Variants in SESTD1 observed in about 807,000 individuals in gnomAD.
The protein encoded by SESTD1 is SEC14 domain and spectrin repeat-containing protein 1.
In SESTD1, 43 loss-of-function variants were observed where a neutral mutation model predicts 101.7. That is an observed-to-expected ratio of 0.42 (90% confidence interval 0.33 to 0.55). SESTD1 has a LOEUF of 0.55. Ranked by LOEUF, SESTD1 falls within the 20% of genes least tolerant of loss-of-function variation. The pLI, the probability that SESTD1 is intolerant of heterozygous loss-of-function variation, is 0.07. For synonymous variants in SESTD1, 283 were observed against 286.8 expected (o/e 0.99, Z 0.13); for missense variants, 647 against 815.1 (o/e 0.79, Z 2.51).
At chr2:179,141,645 G>A (rs1282930431) in intron 9 of SESTD1, among the ~76,000 whole-genome samples, 12 of 151,844 alleles carry the variant, frequency 7.9e-5, no homozygotes, top group Admixed American at 1.3e-4. Context: ...TTGTTGTTGC[G>A]GTTACTGTTG....
intron 4 of SESTD1, among the ~76,000 whole-genome samples, chr2:179,173,466 C>A (rs981583260): frequency 6.6e-6 from 1 of 152,156 alleles, no homozygotes; most frequent in Non-Finnish European, 1.5e-5. Context: ...AAATATCTCA[C>A]ATATATAATA....
At chr2:179,242,776 C>A (rs148353126) in intron 1 of SESTD1, among the ~76,000 whole-genome samples, 5 of 152,266 alleles carry the variant, frequency 3.3e-5, no homozygotes, top group African/African-American at 1.2e-4. Flanking sequence ...CGGACAGTAC[C>A]TTTTACCACA....
At chr2:179,255,181 C>T (rs550616640) in intron 1 of SESTD1, among the ~76,000 whole-genome samples, 3 of 152,148 alleles carry the variant, frequency 2.0e-5, no homozygotes, top group African/African-American at 7.2e-5. Context: ...AATCAATAAT[C>T]CTACAATGGC....
intron 1 of SESTD1, among the ~76,000 whole-genome samples, chr2:179,217,693 C>T (rs565501045): frequency 6.6e-4 from 100 of 152,184 alleles, no homozygotes; most frequent in Admixed American, 4.4e-3. Context: ...ATGTTTACTG[C>T]GGCACTATTC....
intron 3 of SESTD1, among the ~76,000 whole-genome samples, chr2:179,178,009 C>T (rs534727229): frequency 3.3e-5 from 5 of 152,230 alleles, no homozygotes; most frequent in Admixed American, 2.6e-4. Flanking sequence ...AATCTAGAGA[C>T]AGAAAGCAGA....
At chr2:179,202,208 G>A (rs116744397) in intron 1 of SESTD1, among the ~76,000 whole-genome samples, 1,592 of 132,706 alleles carry the variant, frequency 0.012, 399 homozygotes, top group African/African-American at 0.045. Context: ...ATTTTGTAAC[G>A]TTTATTTTTA....
intron 3 of SESTD1, among the ~76,000 whole-genome samples, chr2:179,182,391 C>T (rs941156803): frequency 7.9e-5 from 12 of 151,938 alleles, no homozygotes; most frequent in African/African-American, 2.7e-4. Flanking sequence ...AGCAGGCTTC[C>T]CAAGAACAAT....
chr2:179,220,838 T>C (rs561558387), intron 1 of SESTD1, among the ~76,000 whole-genome samples: 1 of 152,206 alleles, frequency 6.6e-6, no homozygotes, highest in Non-Finnish European at 1.5e-5. Flanking sequence ...TAGAAAGAAG[T>C]GTTCTTCCTC....
chr2:179,154,071 C>T (rs1247250726), intron 5 of SESTD1, among the ~76,000 whole-genome samples: 3 of 117,484 alleles, frequency 2.6e-5, no homozygotes, highest in Non-Finnish European at 4.9e-5. Context: ...TAAGAAAACC[C>T]AATCTCTACA....
At chr2:179,153,447 A>G (rs2045567347) in intron 5 of SESTD1, among the ~76,000 whole-genome samples, 1 of 152,170 alleles carries the variant, frequency 6.6e-6, no homozygotes, top group African/African-American at 2.4e-5. Context: ...TGGAAGTATC[A>G]GTTTAAACTC....
At chr2:179,210,858 A>G (rs2046641890) in intron 1 of SESTD1, among the ~76,000 whole-genome samples, 1 of 134,876 alleles carries the variant, frequency 7.4e-6, no homozygotes, top group Admixed American at 7.2e-5. Flanking sequence ...AGAAAGAAAT[A>G]AACGGCATCT....
chr2:179,247,366 C>A (rs2047249494), intron 1 of SESTD1, among the ~76,000 whole-genome samples: 1 of 151,960 alleles, frequency 6.6e-6, no homozygotes, highest in Admixed American at 6.6e-5. Flanking sequence ...TTACAAAAAT[C>A]TAGAAAACTC....
At chr2:179,156,531 G>T (rs1342718465) in intron 5 of SESTD1, among the ~76,000 whole-genome samples, 1 of 152,150 alleles carries the variant, frequency 6.6e-6, no homozygotes, top group East Asian at 1.9e-4. Context: ...AGGAGTTAAG[G>T]TGGTATCACA....
intron 1 of SESTD1, among the ~76,000 whole-genome samples, chr2:179,197,410 C>T (rs2105504003): frequency 6.6e-6 from 1 of 152,180 alleles, no homozygotes; most frequent in African/African-American, 2.4e-5. Context: ...GGAGAACTTC[C>T]CCAATCTAGC....
intron 1 of SESTD1, among the ~76,000 whole-genome samples, chr2:179,192,859 TC>T (rs2046337923): frequency 6.6e-6 from 1 of 152,174 alleles, no homozygotes; most frequent in African/African-American, 2.4e-5. Flanking sequence ...TATCCCTTCC[TC>T]CCCTATCCCA....
chr2:179,159,495 T>G (rs949342526), intron 5 of SESTD1, among the ~76,000 whole-genome samples: 1 of 152,084 alleles, frequency 6.6e-6, no homozygotes, highest in African/African-American at 2.4e-5. Flanking sequence ...AGGCCTGAAG[T>G]AGAACTGGAA....
In SESTD1 at chr2:179,132,868, T is replaced by C. The variant is rs150747153; in HGVS notation, c.850-442A>G. 3.5e-3 allele frequency among the ~76,000 whole-genome samples: 528 copies of C among 152,334 alleles called. 1 individual carries two copies. The highest frequency in any genetic ancestry group is 5.6e-3 in the Non-Finnish European group (384 of 68,028). The stretch of plus-strand genomic sequence containing the variant: ...TTGCCCAAGATAACATAATCCATTA[T>C]TGAAAAACTGGACTAACAGCCATAT... On this transcript the variant is annotated intron_variant, in intron 9 of 17. Coordinates refer to ENST00000428443, the MANE Select transcript of SESTD1 (RefSeq NM_178123.5).
chr2:179,176,887 T>A (rs2046021340), intron 3 of SESTD1, among the ~76,000 whole-genome samples: 1 of 152,246 alleles, frequency 6.6e-6, no homozygotes, highest in African/African-American at 2.4e-5. Flanking sequence ...CACAGTGAAG[T>A]AAGTTACTAA....
intron 1 of SESTD1, among the ~76,000 whole-genome samples, chr2:179,240,417 A>T (rs771958077): frequency 3.4e-4 from 52 of 152,202 alleles, no homozygotes; most frequent in Admixed American, 1.3e-3. Flanking sequence ...AAGCCTAAGA[A>T]GTCTGTGAAC....
Sources: gnomAD v4.1 joint callset for allele counts (sites outside exome capture counted in the v4.1 genomes callset) on GRCh38, gnomAD v4.1.1 for gene constraint, MANE v1.5 for transcripts, NCBI Gene and HGNC (gene_info 2026-07-23, HGNC 2026-07-21) for gene names.